Variants in CDC25A observed in about 807,000 individuals in gnomAD.
CDC25A encodes the protein M-phase inducer phosphatase 1.
A neutral mutation model predicts 64.6 loss-of-function variants in CDC25A; 17 were observed. The ratio of observed to expected loss-of-function variants is 0.26; its 90% CI spans 0.18 to 0.39. The LOEUF (loss-of-function observed/expected upper bound fraction) is 0.39. Among genes scored for constraint, CDC25A ranks in the 10% least tolerant of loss-of-function variants. The pLI is 1.00. For missense variants in CDC25A, 473 were observed against 654.8 expected (o/e 0.72, Z 3.03); for synonymous variants, 229 against 238.6 (o/e 0.96, Z 0.37).
In CDC25A at chr3:48,164,450, CAG is replaced by C; in HGVS notation, c.1192-15_1192-14del. ...AGTTCACTGCACCCTGTGAAGACAA[CAG>C]AGACCCTTGGAACCTGCACGTTTCA... On this transcript the variant is annotated splice_polypyrimidine_tract_variant and intron_variant, in intron 12 of 14. Coordinates refer to ENST00000302506, the MANE Select transcript of CDC25A (RefSeq NM_001789.3). 6.5e-7 allele frequency: 1 copy of C among 1,532,726 alleles called. No homozygotes were observed. 94.9% of individuals were successfully genotyped at this position (1,532,726 alleles called of 1,614,324 possible). A position where few individuals can be genotyped will look rare whatever the true frequency, so the allele number is the denominator to read the frequency against.
intron 9 of CDC25A, among the ~76,000 whole-genome samples, chr3:48,169,019 G>C (rs929601605): frequency 6.6e-6 from 1 of 152,126 alleles, no homozygotes; most frequent in Non-Finnish European, 1.5e-5. Flanking sequence ...TGAGTAAAAG[G>C]ATAATACTTG....
At chr3:48,176,332 C>T (rs2032454815) in intron 8 of CDC25A, among the ~76,000 whole-genome samples, 1 of 151,910 alleles carries the variant, frequency 6.6e-6, no homozygotes, top group Non-Finnish European at 1.5e-5. Flanking sequence ...TGTATAGGCA[C>T]ATTCTTGCTT....
At chr3:48,174,508 T>C (rs374536511) in intron 8 of CDC25A, 51 bp from the exon 9 acceptor site, 7 of 1,546,434 alleles carry the variant, frequency 4.5e-6, no homozygotes, top group Admixed American at 3.9e-5. Context: ...ACCTGTTCAC[T>C]TGAATGGTAA....
At chr3:48,166,118 CTT>C (rs869241947) in intron 10 of CDC25A, among the ~76,000 whole-genome samples, 1 of 152,252 alleles carries the variant, frequency 6.6e-6, no homozygotes, top group South Asian at 2.1e-4. Context: ...AACCCCAACT[CTT>C]TTAAAAATAC....
rs745707698 is a variant in CDC25A at position 48,174,315 on chromosome 3, T to C, written c.899A>G (p.Lys300Arg). Residue 300 changes from lysine (K) to arginine (R), a missense_variant, in exon 9 of 15, where the codon AAA becomes AGA. Lys to Arg is a conservative substitution (Grantham distance 26). Transcript: ENST00000302506. ...RRKSMSGASP[K>R]ESTNPEKAHE... ...GGCCTTCTCTGGATTAGTTGACTCT[T>C]TGGGGCTGGCCCCAGACATGCTCTT... The C allele has an allele frequency of 6.2e-7, 1 of 1,614,156 alleles. No individual in the cohort carries two copies. The highest frequency in any genetic ancestry group is 8.5e-7 in the Non-Finnish European group (1 of 1,180,002).
At chr3:48,181,689 G>C in intron 5 of CDC25A, 2 of 939,638 alleles carry the variant, frequency 2.1e-6, no homozygotes, top group Admixed American at 1.7e-5. Context: ...TTATTTAAAA[G>C]GGTATTGCGA....
intron 6 of CDC25A, among the ~76,000 whole-genome samples, chr3:48,179,412 C>T (rs2032581725): frequency 6.6e-6 from 1 of 152,148 alleles, no homozygotes; most frequent in African/African-American, 2.4e-5. Flanking sequence ...ATTCATTGTC[C>T]AGGCTGGAGT....
In CDC25A at chr3:48,188,391, G is replaced by C. The variant is rs1405823909; in HGVS notation, c.-444C>G. The C allele has an allele frequency of 6.3e-6, 1 of 157,644 alleles. No individual in the cohort carries two copies. The highest frequency in any genetic ancestry group is 2.4e-5 in the African/African-American group (1 of 41,672). 9.8% of individuals were successfully genotyped at this position (157,644 alleles called of 1,614,324 possible). A position where few individuals can be genotyped will look rare whatever the true frequency, so the allele number is the denominator to read the frequency against. On this transcript the variant is annotated 5_prime_UTR_variant, in exon 1 of 15. Transcript: ENST00000302506. ...TTACCCAGGCTGTCGCAGCCAGGCC[G>C]GCCTTTCGCGGTAATAGCGGCTCAG...
At chr3:48,168,596 A>T (rs1007182113) in intron 9 of CDC25A, among the ~76,000 whole-genome samples, 10 of 151,120 alleles carry the variant, frequency 6.6e-5, no homozygotes, top group African/African-American at 2.2e-4. Flanking sequence ...AACTAGGATT[A>T]AGTTTAGAAA....
chr3:48,183,878 T>A, intron 3 of CDC25A, 42 bp from the exon 4 acceptor site: 1 of 1,251,530 alleles, frequency 8.0e-7, no homozygotes, highest in Non-Finnish European at 1.2e-6. Flanking sequence ...ATAAAACAAG[T>A]AAAGAGGTAT....
chr3:48,184,670 T>C lies in CDC25A; in HGVS notation c.273A>G (p.Pro91=), dbSNP rs1336637890. ...DSGFCLDSPG[P]LDSKENLENP... is the part of the protein sequence containing the mutation. ...ATACATACTTTTCTTTACTGTCCAA[T>C]GGCCCAGGAGAATCTAGACAGAAAC... The change falls in exon 3 of 15, where the codon CCA becomes CCG. Residue 91 remains proline (P), a synonymous_variant. Coordinates refer to ENST00000302506, the MANE Select transcript of CDC25A (RefSeq NM_001789.3). The C allele has an allele frequency of 1.3e-6, 2 of 1,593,028 alleles. No individual in the cohort carries two copies. Among genetic ancestry groups the C allele is most frequent in the Admixed American group, 3.7e-5 (2 of 54,522 alleles).
Position 48,183,040 on chromosome 3 carries a change from T to C in CDC25A, c.328-10A>G, listed in dbSNP as rs768834171. ...ATCCCAACAGCTTCTGCTATCAAAGTAAAAAAGGAAAATAATTAAGGCACA... is the reference window on the plus strand; with the variant it reads ...ATCCCAACAGCTTCTGCTATCAAAGCAAAAAAGGAAAATAATTAAGGCACA... On this transcript the variant is annotated splice_polypyrimidine_tract_variant and intron_variant, in intron 4 of 14. Transcript: ENST00000302506. 3 of 1,579,050 alleles carry C rather than the reference T, an allele frequency of 1.9e-6. No individual in the cohort carries two copies. The highest frequency in any genetic ancestry group is 2.6e-6 in the Non-Finnish European group (3 of 1,150,008).
intron 13 of CDC25A, among the ~76,000 whole-genome samples, chr3:48,160,735 A>C (rs1006425595): frequency 1.3e-5 from 2 of 152,162 alleles, no homozygotes; most frequent in African/African-American, 2.4e-5. Context: ...TATCTGGTAC[A>C]CAAGAGCCAA....
chr3:48,178,803 G>C (rs1344425302), intron 6 of CDC25A, among the ~76,000 whole-genome samples: 1 of 152,074 alleles, frequency 6.6e-6, no homozygotes, highest in Non-Finnish European at 1.5e-5. Context: ...ATGGAATATA[G>C]AAAATTTAGA....
intron 9 of CDC25A, among the ~76,000 whole-genome samples, chr3:48,170,957 A>G (rs907826464): frequency 6.6e-6 from 1 of 152,220 alleles, no homozygotes; most frequent in Non-Finnish European, 1.5e-5. Context: ...AAATATATGA[A>G]AATAAACCAA....
At chr3:48,187,700 TC>T (rs2032893823) in intron 1 of CDC25A, 77 bp downstream of exon 1, 1 of 1,376,456 alleles carries the variant, frequency 7.3e-7, no homozygotes, top group Non-Finnish European at 9.8e-7. Context: ...CTTCTCCCGG[TC>T]CGTTTCCTGG....
chr3:48,164,527 T>C, intron 12 of CDC25A, 90 bp from the exon 13 acceptor site: 1 of 1,244,646 alleles, frequency 8.0e-7, no homozygotes, highest in Non-Finnish European at 1.1e-6. Context: ...AAGAGTGATC[T>C]TTAAGTCCAC....
Position 48,177,872 on chromosome 3 carries a change from G to A in CDC25A, c.666C>T (p.Leu222=), listed in dbSNP as rs750597538. Residue 222 remains leucine, a synonymous_variant, in exon 7 of 15, where the codon CTC becomes CTT. Coordinates refer to ENST00000302506, the MANE Select transcript of CDC25A (RefSeq NM_001789.3). ...ACGGTACCTTCAGATTCTCTCCATC[G>A]AGAAGGTCCACGAAGCCATCATCCT... ...SDEDDGFVDL[L]DGENLKNEEE... The A allele has an allele frequency of 2.5e-6, 4 of 1,613,860 alleles. No homozygotes were observed. The highest frequency in any genetic ancestry group is 1.3e-5 in the African/African-American group (1 of 74,892).
chr3:48,163,424 T>G (rs1469528275), intron 13 of CDC25A, among the ~76,000 whole-genome samples: 2 of 151,040 alleles, frequency 1.3e-5, no homozygotes, highest in Non-Finnish European at 2.9e-5. Flanking sequence ...GACCAACATG[T>G]AGAAACCCTG....
Sources: gnomAD v4.1 joint callset for allele counts (sites outside exome capture counted in the v4.1 genomes callset) on GRCh38, gnomAD v4.1.1 for gene constraint, MANE v1.5 for transcripts, NCBI Gene and HGNC (gene_info 2026-07-23, HGNC 2026-07-21) for gene names.